MACROD2: variants seen among roughly 807,000 people sequenced by gnomAD.
MACROD2 encodes the protein ADP-ribose glycohydrolase MACROD2.
A neutral mutation model predicts 70.4 loss-of-function variants in MACROD2; 36 were observed. The observed-to-expected ratio is 0.51, with a 90% CI of 0.39 to 0.68. The LOEUF (loss-of-function observed/expected upper bound fraction) is 0.68, where lower values mean the gene tolerates loss of function less well. Ranked by LOEUF, MACROD2 falls within the 30% of genes least tolerant of loss-of-function variation. The probability of loss-of-function intolerance (pLI) is 0.00; values close to 1 mark genes in which losing one functional copy is unlikely to be tolerated. For synonymous variants in MACROD2, 172 were observed against 178.8 expected (o/e 0.96, Z 0.30); for missense variants, 496 against 538.4 (o/e 0.92, Z 0.78).
At chr20:14,962,738 C>G (rs1176666298) in intron 5 of MACROD2, among the ~76,000 whole-genome samples, 8 of 150,242 alleles carry the variant, frequency 5.3e-5, no homozygotes, top group African/African-American at 2.0e-4. Flanking sequence ...TCTAACCTTT[C>G]TTTCTTCTTT....
intron 3 of MACROD2, among the ~76,000 whole-genome samples, chr20:14,476,781 A>G (rs1246105900): frequency 6.6e-6 from 1 of 152,254 alleles, no homozygotes; most frequent in Non-Finnish European, 1.5e-5. Context: ...AATAGAGTGG[A>G]TTAACTAAAC....
At chr20:14,868,082 C>G (rs1459749696) in intron 5 of MACROD2, among the ~76,000 whole-genome samples, 1 of 151,994 alleles carries the variant, frequency 6.6e-6, no homozygotes, top group Non-Finnish European at 1.5e-5. Flanking sequence ...ATTAGCCATT[C>G]TCTGCCAAAA....
At chr20:14,963,170 A>C (rs540761109) in intron 5 of MACROD2, among the ~76,000 whole-genome samples, 5 of 152,144 alleles carry the variant, frequency 3.3e-5, no homozygotes, top group Admixed American at 6.6e-5. Context: ...TGAGGCTGGG[A>C]TGTGCAGGTA....
intron 3 of MACROD2, among the ~76,000 whole-genome samples, chr20:14,418,686 T>G (rs2083838272): frequency 6.6e-6 from 1 of 152,210 alleles, no homozygotes; most frequent in African/African-American, 2.4e-5. Context: ...CAGGAAATAA[T>G]TTTCCCCAGG....
intron 8 of MACROD2, among the ~76,000 whole-genome samples, chr20:15,774,022 C>T (rs763166995): frequency 6.6e-6 from 1 of 151,280 alleles, no homozygotes; most frequent in Non-Finnish European, 1.5e-5. Context: ...CATGAATTCA[C>T]GGCTCCTGGA....
chr20:15,575,696 A>C (rs1286367242), intron 8 of MACROD2, among the ~76,000 whole-genome samples: 1 of 152,224 alleles, frequency 6.6e-6, no homozygotes, highest in Non-Finnish European at 1.5e-5. Flanking sequence ...AAAACATTTC[A>C]TGGAAGCATA....
At chr20:14,706,041 T>C (rs6042872) in intron 5 of MACROD2, among the ~76,000 whole-genome samples, 95,503 of 151,980 alleles carry the variant, frequency 0.63, 30,226 homozygotes, top group South Asian at 0.72. Flanking sequence ...AGAGGCTGGG[T>C]GCAGTAGCAC....
chr20:14,526,157 C>T (rs1025929326), intron 4 of MACROD2, among the ~76,000 whole-genome samples: 17 of 152,156 alleles, frequency 1.1e-4, no homozygotes, highest in Non-Finnish European at 1.5e-5. Context: ...TCAGTATTTT[C>T]CATATCTCTT....
At chr20:14,258,895 G>A (rs1213451640) in intron 3 of MACROD2, among the ~76,000 whole-genome samples, 2 of 152,040 alleles carry the variant, frequency 1.3e-5, no homozygotes, top group Non-Finnish European at 2.9e-5. Flanking sequence ...TATAAGGTAA[G>A]AGATGAGGAT....
chr20:14,058,981 A>G (rs1340884235), intron 2 of MACROD2, among the ~76,000 whole-genome samples: 3 of 152,082 alleles, frequency 2.0e-5, no homozygotes, highest in African/African-American at 7.2e-5. Flanking sequence ...CTGCTGGCTT[A>G]TTCATTTAGT....
At chr20:14,045,621 T>TA (rs1266784444) in intron 2 of MACROD2, among the ~76,000 whole-genome samples, 3 of 152,262 alleles carry the variant, frequency 2.0e-5, no homozygotes, top group East Asian at 1.9e-4. Context: ...GCTTTCATAT[T>TA]AAAAAAATAT....
At chr20:15,193,168 C>T (rs906673137) in intron 5 of MACROD2, among the ~76,000 whole-genome samples, 1 of 152,142 alleles carries the variant, frequency 6.6e-6, no homozygotes, top group African/African-American at 2.4e-5. Flanking sequence ...TTTTTCTTTA[C>T]TTCTTTCTTT....
chr20:16,022,303 G>A (rs146837355), intron 15 of MACROD2, among the ~76,000 whole-genome samples: 3 of 152,068 alleles, frequency 2.0e-5, no homozygotes, highest in East Asian at 1.9e-4. Context: ...CGCCCACCTC[G>A]GCCTCCCAAA....
intron 5 of MACROD2, among the ~76,000 whole-genome samples, chr20:14,867,278 A>AT (rs1245623940): frequency 1.3e-5 from 2 of 152,160 alleles, no homozygotes; most frequent in African/African-American, 4.8e-5. Flanking sequence ...TGCGATTCAT[A>AT]TGAGAACATA....
In MACROD2 at chr20:13,995,555, C is replaced by T. The variant is rs1306143866; in HGVS notation, c.-209C>T. 1.8e-5 allele frequency: 12 copies of T among 649,980 alleles called. No individual in the cohort carries two copies. Among genetic ancestry groups the T allele is most frequent in the Non-Finnish European group, 3.4e-5 (12 of 352,654 alleles). 40.3% of individuals were successfully genotyped at this position (649,980 alleles called of 1,614,324 possible). On this transcript the variant is annotated 5_prime_UTR_variant, in exon 1 of 18. Transcript: ENST00000684519. The surrounding 1 kb of genome is among the most constrained non-coding windows in gnomAD (Gnocchi z 4.3). ...TGCTGCTGTGGCGGCGTCCGCGGGG[C>T]TGAGGCGGGTGGGAGCCGGAGCCGA... is the stretch of plus-strand genomic sequence containing the variant.
chr20:14,185,267 G>C (rs2081335725), intron 3 of MACROD2, among the ~76,000 whole-genome samples: 1 of 152,032 alleles, frequency 6.6e-6, no homozygotes, highest in Non-Finnish European at 1.5e-5. Context: ...GAAAAGAAGT[G>C]CTTCATTTTC....
intron 15 of MACROD2, among the ~76,000 whole-genome samples, chr20:16,015,385 A>G (rs2066916040): frequency 6.6e-6 from 1 of 152,160 alleles, no homozygotes; most frequent in South Asian, 2.1e-4. Flanking sequence ...TCCCCACCCA[A>G]TTGTCGTTAT....
intron 6 of MACROD2, among the ~76,000 whole-genome samples, chr20:15,233,957 A>T (rs1457021713): frequency 1.7e-5 from 2 of 118,988 alleles, no homozygotes; most frequent in Non-Finnish European, 3.4e-5. Context: ...CTTGGATCCA[A>T]AAAATTTATT....
intron 3 of MACROD2, among the ~76,000 whole-genome samples, chr20:14,197,904 T>C (rs1307460085): frequency 6.6e-6 from 1 of 152,158 alleles, no homozygotes; most frequent in Non-Finnish European, 1.5e-5. Flanking sequence ...TTATGTACGC[T>C]AAAGGCCGAT....
Sources: gnomAD v4.1 joint callset for allele counts (sites outside exome capture counted in the v4.1 genomes callset) on GRCh38, gnomAD v4.1.1 for gene constraint, Gnocchi (gnomAD v3.1) non-coding constraint, MANE v1.5 for transcripts, NCBI Gene and HGNC (gene_info 2026-07-23, HGNC 2026-07-21) for gene names.